The following DNAH8 variants were observed in gnomAD, a reference collection of about 807,000 sequenced individuals.
The protein encoded by DNAH8 is dynein axonemal heavy chain 8, also known as axonemal beta dynein heavy chain 8.
In DNAH8, 382 loss-of-function variants were observed where a neutral mutation model predicts 562.1. The observed-to-expected ratio is 0.68, with a 90% CI of 0.63 to 0.74. The LOEUF (loss-of-function observed/expected upper bound fraction) is 0.74, where lower values mean the gene tolerates loss of function less well. DNAH8 is among the 30% of genes least tolerant of loss of function. The pLI is 0.00. For synonymous variants in DNAH8, 1,881 were observed against 1,919.4 expected (o/e 0.98, Z 0.52); for missense variants, 5,203 against 5,620.4 (o/e 0.93, Z 2.37).
intron 35 of DNAH8, among the ~76,000 whole-genome samples, chr6:38,844,385 C>G (rs1775107283): frequency 6.6e-6 from 1 of 152,120 alleles, no homozygotes; most frequent in East Asian, 1.9e-4. Context: ...TGAGAAAATG[C>G]ACCATGTGAC....
intron 1 of DNAH8, among the ~76,000 whole-genome samples, chr6:38,717,128 C>T (rs769739803): frequency 1.3e-5 from 2 of 152,088 alleles, no homozygotes; most frequent in East Asian, 1.9e-4. Flanking sequence ...AGGAGGATCG[C>T]TTGAGCCCAG....
chr6:38,901,894 C>T (rs531188018), intron 62 of DNAH8, among the ~76,000 whole-genome samples: 36 of 152,248 alleles, frequency 2.4e-4, no homozygotes, highest in African/African-American at 7.7e-4. Flanking sequence ...TTTAGAAAAG[C>T]GTATTTCTGA....
At chr6:38,715,960 ATTTTTTT>A (rs869120118) in intron 1 of DNAH8, among the ~76,000 whole-genome samples, 1 of 23,628 alleles carries the variant, frequency 4.2e-5, no homozygotes, top group South Asian at 1.5e-3. Flanking sequence ...ATATATATAT[ATTTTTTT>A]TTTTTTTTTG....
Position 38,872,969 on chromosome 6 carries a change from C to T in DNAH8, c.7301C>T (p.Ser2434Phe). 6.2e-7 allele frequency: 1 copy of T among 1,614,126 alleles called. No homozygotes were observed. The change falls in exon 51 of 93, where the codon TCC (serine) becomes TTC (phenylalanine). Residue 2434 changes from serine (S) to phenylalanine (F), a missense_variant. Physicochemically the swap from Ser to Phe is radical, Grantham distance 155. Transcript: ENST00000327475. ...GCCATCTGGATTGAGAACTTAAATT[C>T]CGTTTTGGATGACAATAAAACTCTG... is the stretch of plus-strand genomic sequence containing the variant. ...VDAIWIENLN[S>F]VLDDNKTLTL...
chr6:38,966,890 G>T (rs1763003726), intron 82 of DNAH8, among the ~76,000 whole-genome samples: 2 of 152,100 alleles, frequency 1.3e-5, no homozygotes, highest in African/African-American at 4.8e-5. Context: ...GATAAAGGCC[G>T]GTTTCCTATT....
chr6:38,953,749 T>A (rs1411758647), intron 82 of DNAH8, among the ~76,000 whole-genome samples: 2 of 152,164 alleles, frequency 1.3e-5, no homozygotes, highest in African/African-American at 4.8e-5. Flanking sequence ...GTTAATGTAG[T>A]CTCAGCTATT....
rs372630464 is a variant in DNAH8, at chr6:38,805,486, C to T, written c.3040C>T (p.Arg1014Trp). 2.1e-5 allele frequency: 34 copies of T among 1,597,982 alleles called. No homozygotes were observed. The highest frequency in any genetic ancestry group is 5.4e-5 in the African/African-American group (4 of 74,590). The change falls in exon 23 of 93, where the codon CGG (arginine) becomes TGG (tryptophan). Residue 1014 changes from arginine to tryptophan, a missense_variant. Around this residue, in one of 6 missense-constraint regions of DNAH8, gnomAD observed 2,176 missense variants for 2,365.1 expected, o/e 0.92. Coordinates refer to ENST00000327475, the MANE Select transcript of DNAH8 (RefSeq NM_001206927.2). ...TGKVGKQSEQ[R>W]KHVVFGSETG... ...GTTTTGTCTTTTGTCTATAGAACAG[C>T]GGAAACACGTTGTTTTTGGAAGTGA...
intron 41 of DNAH8, among the ~76,000 whole-genome samples, chr6:38,854,111 A>G (rs1027779813): frequency 2.2e-4 from 33 of 152,086 alleles, no homozygotes; most frequent in African/African-American, 8.0e-4. Context: ...ATGTAAAGGG[A>G]ATGAGCATAC....
At chr6:38,746,423 G>A (rs1291875573) in intron 8 of DNAH8, among the ~76,000 whole-genome samples, 1 of 152,110 alleles carries the variant, frequency 6.6e-6, no homozygotes, top group Non-Finnish European at 1.5e-5. Flanking sequence ...CCTGGGATCA[G>A]CACTTCTCCA....
chr6:38,762,921 A>T (rs1404348882), intron 11 of DNAH8: 1 of 290,564 alleles, frequency 3.4e-6, no homozygotes, highest in Non-Finnish European at 6.5e-6. Context: ...GAAGAATTGC[A>T]GTTAGTGTTT....
rs1364555255 is a variant in DNAH8, at chr6:38,882,954, C to T, written c.7903C>T (p.Pro2635Ser). ...WNKKLQPYYY[P>S]TDSIPEYSSI... ...TAAGAAACTTCAGCCTTATTATTAT[C>T]CAACTGACAGTATTCCGGAATATTC... Residue 2635 changes from proline (P) to serine (S), a missense_variant, in exon 54 of 93, where the codon CCA (proline) becomes TCA (serine). Pro to Ser is a moderately conservative substitution (Grantham distance 74, BLOSUM62 -1). Around this residue, in one of 6 missense-constraint regions of DNAH8, gnomAD observed 977 missense variants for 1,061.8 expected, o/e 0.92. Coordinates refer to ENST00000327475, the MANE Select transcript of DNAH8 (RefSeq NM_001206927.2). 6.2e-7 allele frequency: 1 copy of T among 1,603,676 alleles called. No individual in the cohort carries two copies. The highest frequency in any genetic ancestry group is 8.5e-7 in the Non-Finnish European group (1 of 1,176,258).
chr6:38,947,552 G>C (rs1417416471), intron 80 of DNAH8, among the ~76,000 whole-genome samples: 2 of 152,168 alleles, frequency 1.3e-5, no homozygotes, highest in Non-Finnish European at 2.9e-5. Flanking sequence ...GTGAAGAATA[G>C]TCATCCGCTT....
intron 82 of DNAH8, among the ~76,000 whole-genome samples, chr6:38,967,317 T>G (rs1475430638): frequency 6.6e-6 from 1 of 151,614 alleles, no homozygotes; most frequent in East Asian, 1.9e-4. Flanking sequence ...AAAAAAACCA[T>G]CTACATTGGA....
At chr6:38,935,328 G>T (rs1270117049) in intron 76 of DNAH8, among the ~76,000 whole-genome samples, 1 of 152,120 alleles carries the variant, frequency 6.6e-6, no homozygotes, top group East Asian at 1.9e-4. Flanking sequence ...GGGGTAATTG[G>T]GCAAAATTAT....
chr6:38,868,675 A>ATTTT (rs11398061), intron 48 of DNAH8, among the ~76,000 whole-genome samples: 1 of 146,816 alleles, frequency 6.8e-6, no homozygotes. Context: ...TTACAGCCTG[A>ATTTT]TTTTTTTTTT....
intron 88 of DNAH8, among the ~76,000 whole-genome samples, chr6:39,006,710 A>G (rs1333507110): frequency 6.6e-6 from 1 of 152,218 alleles, no homozygotes; most frequent in African/African-American, 2.4e-5. Context: ...CAAATTGCAC[A>G]GGTAATATGA....
At chr6:38,962,784 A>G (rs756757976) in intron 82 of DNAH8, among the ~76,000 whole-genome samples, 8 of 152,224 alleles carry the variant, frequency 5.3e-5, no homozygotes, top group Admixed American at 2.0e-4. Flanking sequence ...AGAATTTTAA[A>G]ACATCTGTAT....
At chr6:38,751,537 G>A (rs1765449235) in intron 9 of DNAH8, among the ~76,000 whole-genome samples, 1 of 152,126 alleles carries the variant, frequency 6.6e-6, no homozygotes, top group South Asian at 2.1e-4. Context: ...TCATCATGGT[G>A]AGGTGACTTT....
chr6:38,735,821 C>T (rs1183763621), intron 5 of DNAH8, among the ~76,000 whole-genome samples: 4 of 152,170 alleles, frequency 2.6e-5, no homozygotes, highest in Admixed American at 2.6e-4. Flanking sequence ...ATAATATGCT[C>T]AGACTGCTCC....
Sources: gnomAD v4.1 joint callset for allele counts (sites outside exome capture counted in the v4.1 genomes callset) on GRCh38, gnomAD v4.1.1 for gene constraint, gnomAD v4.1.1 regional missense constraint, MANE v1.5 for transcripts, NCBI Gene and HGNC (gene_info 2026-07-23, HGNC 2026-07-21) for gene names.